Variants in LDAF1 observed in about 807,000 individuals in gnomAD.
LDAF1 encodes the protein PROMETHIN.
In LDAF1, 7 loss-of-function variants were observed where a neutral mutation model predicts 13.5. The observed-to-expected ratio is 0.52, with a 90% CI of 0.29 to 0.97. The LOEUF (loss-of-function observed/expected upper bound fraction) is 0.97, where lower values mean the gene tolerates loss of function less well. LDAF1 is among the 50% of genes least tolerant of loss of function. LDAF1 has a pLI of 0.07. For synonymous variants in LDAF1, 69 were observed against 77.1 expected (o/e 0.89, Z 0.55); for missense variants, 148 against 193.2 (o/e 0.77, Z 1.39).
At chr16:21,176,900 G>GA (rs767903367) in intron 4 of LDAF1, among the ~76,000 whole-genome samples, 5,146 of 131,332 alleles carry the variant, frequency 0.039, 210 homozygotes, top group African/African-American at 0.1. Context: ...ACTCTGTCTG[G>GA]AAAAAAAAAA....
chr16:21,167,043 G>A, intron 2 of LDAF1: 1 of 811,046 alleles, frequency 1.2e-6, no homozygotes, highest in Non-Finnish European at 2.0e-6. Context: ...GCCTGGCAGG[G>A]AGTGAAATTG....
intron 4 of LDAF1, 139 bp from the exon 5 acceptor site, chr16:21,179,336 A>G: frequency 6.5e-7 from 1 of 1,548,142 alleles, no homozygotes. Flanking sequence ...TCATCTGTAT[A>G]ATGGACATAG....
chr16:21,161,378 G>T, intron 2 of LDAF1, 100 bp downstream of exon 2: 1 of 1,418,848 alleles, frequency 7.0e-7, no homozygotes, highest in Non-Finnish European at 9.4e-7. Context: ...GAATTTGGAG[G>T]TAAGTCAAGA....
chr16:21,168,641 C>T (rs1454469601), intron 2 of LDAF1, among the ~76,000 whole-genome samples: 1 of 136,172 alleles, frequency 7.3e-6, no homozygotes, highest in Non-Finnish European at 1.5e-5. Flanking sequence ...TATAATATAT[C>T]TAATATAATT....
At chr16:21,167,734 C>T (rs1484477083) in intron 2 of LDAF1, among the ~76,000 whole-genome samples, 5 of 91,154 alleles carry the variant, frequency 5.5e-5, no homozygotes, top group African/African-American at 2.2e-4. Flanking sequence ...CGGTGGGGCG[C>T]GGTATCCCAC....
intron 4 of LDAF1, among the ~76,000 whole-genome samples, chr16:21,174,873 C>T (rs2093125251): frequency 6.6e-6 from 1 of 152,056 alleles, no homozygotes; most frequent in South Asian, 2.1e-4. Flanking sequence ...TCTTCTGTCC[C>T]CAAAGTCTGT....
chr16:21,176,155 T>A (rs191455830), intron 4 of LDAF1, among the ~76,000 whole-genome samples: 1 of 152,194 alleles, frequency 6.6e-6, no homozygotes, highest in Admixed American at 6.5e-5. Context: ...ACAGGGTGAG[T>A]TCTTAAAGAT....
chr16:21,178,507 G>A, intron 4 of LDAF1: 2 of 529,980 alleles, frequency 3.8e-6, no homozygotes, highest in Non-Finnish European at 4.8e-6. Context: ...ACTGGAGACA[G>A]CCCAGGGCTG....
intron 2 of LDAF1, among the ~76,000 whole-genome samples, chr16:21,162,619 C>T (rs1882708): frequency 0.44 from 66,423 of 151,876 alleles, 14,809 homozygotes; most frequent in East Asian, 0.69. Context: ...GATAGCACAG[C>T]GGGTCTACTC....
At chr16:21,175,353 G>A (rs75532526) in intron 4 of LDAF1, among the ~76,000 whole-genome samples, 1,687 of 152,308 alleles carry the variant, frequency 0.011, 42 homozygotes, top group African/African-American at 0.038. Flanking sequence ...TAAGCTGAGA[G>A]TAGCACAGAA....
At chr16:21,166,756 G>A (rs79452376) in intron 2 of LDAF1, 17 of 1,165,768 alleles carry the variant, frequency 1.5e-5, no homozygotes, top group Non-Finnish European at 2.0e-5. Context: ...CTGGAAAGAA[G>A]TCAGGACCTG....
At chr16:21,176,925 T>C (rs945731048) in intron 4 of LDAF1, among the ~76,000 whole-genome samples, 2 of 151,406 alleles carry the variant, frequency 1.3e-5, no homozygotes, top group Non-Finnish European at 2.9e-5. Context: ...AGAATATTAA[T>C]AATTATTTCT....
intron 2 of LDAF1, among the ~76,000 whole-genome samples, chr16:21,161,511 AAG>A (rs1249251761): frequency 6.6e-6 from 1 of 152,096 alleles, no homozygotes; most frequent in Non-Finnish European, 1.5e-5. Flanking sequence ...AGGAGGGGGG[AAG>A]AGAGAAGTGC....
chr16:21,179,256 A>T (rs1207138945), intron 4 of LDAF1: 1 of 608,044 alleles, frequency 1.6e-6, no homozygotes, highest in East Asian at 1.4e-4. Flanking sequence ...TATCCAAATT[A>T]GAAAATGGAA....
intron 2 of LDAF1, chr16:21,169,089 CTTTAATAATGCT>C (rs2093061013): frequency 6.5e-6 from 5 of 768,650 alleles, no homozygotes; most frequent in Non-Finnish European, 7.9e-6. Flanking sequence ...ATGCTAATCA[CTTTAATAATGCT>C]TTTAATAATA....
At position 21,179,738 on chromosome 16, in the gene LDAF1, G is replaced by T. The variant is rs183636786; in HGVS notation, c.*182G>T. ...TAGGGATTGTGTTGTTCTTGTGTTG[G>T]TTCCCATGTAAAGAAGCAGCAGAGA... On this transcript the variant is annotated 3_prime_UTR_variant, in exon 5 of 5. Coordinates refer to ENST00000233047, the MANE Select transcript of LDAF1 (RefSeq NM_001301771.2). 158 of 564,600 alleles carry T rather than the reference G, an allele frequency of 2.8e-4. No homozygotes were observed. Among genetic ancestry groups the T allele is most frequent in the Non-Finnish European group, 4.1e-5 (13 of 318,992 alleles). The allele number at this position is 564,600 out of a possible 1,614,324, so 35.0% of individuals were successfully genotyped here. A position where few individuals can be genotyped will look rare whatever the true frequency, so the allele number is the denominator to read the frequency against.
chr16:21,167,481 A>C (rs986021382), intron 2 of LDAF1, among the ~76,000 whole-genome samples: 6 of 152,250 alleles, frequency 3.9e-5, no homozygotes, highest in Non-Finnish European at 8.8e-5. Flanking sequence ...GCCTATGGCC[A>C]GCTCTGCGTT....
chr16:21,173,621 G>A (rs1168546406), intron 3 of LDAF1, among the ~76,000 whole-genome samples: 1 of 152,114 alleles, frequency 6.6e-6, no homozygotes, highest in African/African-American at 2.4e-5. Flanking sequence ...GGCTGAAGCC[G>A]GGAATCACTT....
rs753147058 is a variant in LDAF1, at chr16:21,174,180, T to C, written c.404+32T>C. ...ACATGTCCATGAAATAATTTATTTT[T>C]TTAATCTTTCTACTTTTTTGTTTTT... On this transcript the variant is annotated intron_variant, in intron 4 of 4. Transcript: ENST00000233047. 12 of 1,585,776 alleles carry C rather than the reference T, an allele frequency of 7.6e-6. No homozygotes were observed. In the South Asian group the frequency reaches 1.3e-4, roughly 17 times the overall value.
Sources: gnomAD v4.1 joint callset for allele counts (sites outside exome capture counted in the v4.1 genomes callset) on GRCh38, gnomAD v4.1.1 for gene constraint, MANE v1.5 for transcripts, NCBI Gene and HGNC (gene_info 2026-07-23, HGNC 2026-07-21) for gene names.